Variants in TNRC6B observed in about 807,000 individuals in gnomAD.
TNRC6B encodes the protein trinucleotide repeat-containing gene 6B protein.
TNRC6B carries 52 observed loss-of-function variants against 203.6 expected under a neutral mutation model. The observed-to-expected ratio is 0.26, with a 90% confidence interval of 0.20 to 0.32. The LOEUF is 0.32. TNRC6B is among the 10% of genes least tolerant of loss of function. The probability of loss-of-function intolerance (pLI) is 1.00; values close to 1 mark genes in which losing one functional copy is unlikely to be tolerated. For missense variants in TNRC6B, 1,923 were observed against 2,286.2 expected (o/e 0.84, Z 3.24); for synonymous variants, 838 against 845.7 (o/e 0.99, Z 0.16).
At chr22:40,149,010 A>T (rs1401343540) in intron 3 of TNRC6B, among the ~76,000 whole-genome samples, 2 of 152,200 alleles carry the variant, frequency 1.3e-5, no homozygotes, top group Non-Finnish European at 2.9e-5. Context: ...GAAATACTTC[A>T]TTACAGCAGC....
chr22:40,261,966 G>T lies in TNRC6B; in HGVS notation c.250G>T (p.Ala84Ser). The stretch of plus-strand genomic sequence containing the variant: ...GCCGAACGGACAACCGCCAAGCGCC[G>T]CCCGCTACATGCCTCGGGAGGTGCC... ...AVPNGQPPSA[A>S]RYMPREVPPR... The change falls in exon 4 of 23, where the codon GCC becomes TCC. Residue 84 changes from alanine (A) to serine (S), a missense_variant. By Grantham distance (99) the Ala-to-Ser change is moderately conservative (BLOSUM62 1). Coordinates refer to ENST00000454349, the MANE Select transcript of TNRC6B (RefSeq NM_001162501.2). 1.2e-6 allele frequency: 2 copies of T among 1,612,492 alleles called. No homozygotes were observed. The highest frequency in any genetic ancestry group is 1.7e-6 in the Non-Finnish European group (2 of 1,179,044).
At chr22:40,149,679 C>CAAAAAAAAA (rs58482182) in intron 3 of TNRC6B, among the ~76,000 whole-genome samples, 1 of 84,842 alleles carries the variant, frequency 1.2e-5, no homozygotes. Flanking sequence ...CCTCCCCCGC[C>CAAAAAAAAA]AAAAAAAAAA....
intron 3 of TNRC6B, among the ~76,000 whole-genome samples, chr22:40,133,432 C>G (rs1325472301): frequency 6.6e-6 from 1 of 152,092 alleles, no homozygotes; most frequent in Non-Finnish European, 1.5e-5. Flanking sequence ...GACATGGTCT[C>G]TGCATTTCGG....
intron 2 of TNRC6B, chr22:40,125,721 A>G: frequency 5.6e-6 from 8 of 1,430,786 alleles, no homozygotes; most frequent in Non-Finnish European, 7.5e-6. Flanking sequence ...TGAAAAAAAA[A>G]TTTTTTTGCC....
At chr22:40,045,199 C>T (rs1267200108) in intron 1 of TNRC6B, among the ~76,000 whole-genome samples, 1 of 144,598 alleles carries the variant, frequency 6.9e-6, no homozygotes, top group African/African-American at 2.5e-5. Context: ...GGCGTGAGCG[C>T]GCGCGGGGCT....
chr22:40,329,130 G>T lies in TNRC6B; in HGVS notation c.*5889G>T, dbSNP rs964655336. 3 of 152,208 alleles carry T rather than the reference G, an allele frequency of 2.0e-5. No homozygotes were observed. The highest frequency in any genetic ancestry group is 7.2e-5 in the African/African-American group (3 of 41,432). 9.4% of individuals were successfully genotyped at this position (152,208 alleles called of 1,614,324 possible). ...TGATGATGCGGATGAAAATATTCTGGTCTGTGTGTATACAATGAATTGTCA... is the reference window on the plus strand; with the variant it reads ...TGATGATGCGGATGAAAATATTCTGTTCTGTGTGTATACAATGAATTGTCA... On this transcript the variant is annotated 3_prime_UTR_variant, in exon 23 of 23. Coordinates refer to ENST00000454349, the MANE Select transcript of TNRC6B (RefSeq NM_001162501.2).
At chr22:40,116,783 T>C (rs2068391483) in intron 1 of TNRC6B, among the ~76,000 whole-genome samples, 1 of 152,216 alleles carries the variant, frequency 6.6e-6, no homozygotes, top group African/African-American at 2.4e-5. Flanking sequence ...TAATAACCAC[T>C]TGCCTTTATT....
At chr22:40,204,467 A>G (rs993622697) in intron 1 of TNRC6B, among the ~76,000 whole-genome samples, 18 of 152,184 alleles carry the variant, frequency 1.2e-4, no homozygotes, top group African/African-American at 3.9e-4. Context: ...GACAGTGTAC[A>G]TTTTCCTGGC....
intron 1 of TNRC6B, among the ~76,000 whole-genome samples, chr22:40,061,521 C>T (rs2067852369): frequency 6.6e-6 from 1 of 151,924 alleles, no homozygotes; most frequent in South Asian, 2.1e-4. Flanking sequence ...CTGTGCCTGG[C>T]CTGGATTTAA....
At chr22:40,109,097 T>A (rs1015792249) in intron 1 of TNRC6B, among the ~76,000 whole-genome samples, 3 of 152,338 alleles carry the variant, frequency 2.0e-5, no homozygotes, top group Admixed American at 6.5e-5. Flanking sequence ...TCCGTGTTCC[T>A]GCGAAGCACA....
chr22:40,204,568 G>A (rs112387455), intron 1 of TNRC6B, among the ~76,000 whole-genome samples: 3 of 152,320 alleles, frequency 2.0e-5, no homozygotes, highest in Admixed American at 6.5e-5. Context: ...TGTTGCAAAA[G>A]CAGTTGTGGA....
intron 4 of TNRC6B, among the ~76,000 whole-genome samples, chr22:40,171,764 A>G (rs557494676): frequency 1.3e-3 from 202 of 152,128 alleles, no homozygotes; most frequent in African/African-American, 4.2e-3. Context: ...AGCTCTTCCT[A>G]CCTCTTGAGA....
At chr22:40,057,649 G>A (rs1386956869) in intron 1 of TNRC6B, among the ~76,000 whole-genome samples, 1 of 152,124 alleles carries the variant, frequency 6.6e-6, no homozygotes, top group Non-Finnish European at 1.5e-5. Flanking sequence ...CATATCTCGA[G>A]CCTCAAAAAC....
At chr22:40,045,259 G>T (rs1409886176) in intron 1 of TNRC6B, among the ~76,000 whole-genome samples, 1 of 145,942 alleles carries the variant, frequency 6.9e-6, no homozygotes, top group Non-Finnish European at 1.5e-5. Context: ...GGGCGCCGCC[G>T]AGATTTGAGT....
chr22:40,075,727 A>G (rs1279637508), intron 1 of TNRC6B, among the ~76,000 whole-genome samples: 1 of 151,862 alleles, frequency 6.6e-6, no homozygotes, highest in Non-Finnish European at 1.5e-5. Context: ...CTTTTTGATT[A>G]CTTTTTTACT....
chr22:40,047,874 C>G (rs978956899), intron 1 of TNRC6B, among the ~76,000 whole-genome samples: 1 of 152,168 alleles, frequency 6.6e-6, no homozygotes, highest in African/African-American at 2.4e-5. Context: ...AGTGGGAACA[C>G]AGAAAACGTT....
chr22:40,193,440 T>TG (rs1296685655), intron 1 of TNRC6B, among the ~76,000 whole-genome samples: 1 of 152,094 alleles, frequency 6.6e-6, no homozygotes, highest in Non-Finnish European at 1.5e-5. Flanking sequence ...AAAAATAGAT[T>TG]GAAAAATGCT....
chr22:40,073,051 C>G (rs2067966533), intron 1 of TNRC6B, among the ~76,000 whole-genome samples: 15 of 151,302 alleles, frequency 9.9e-5, no homozygotes, highest in Admixed American at 9.9e-4. Context: ...GACATTCAGT[C>G]TCAAGTTGTT....
chr22:40,272,412 T>A (rs1192931046), intron 6 of TNRC6B, among the ~76,000 whole-genome samples: 1 of 152,174 alleles, frequency 6.6e-6, no homozygotes, highest in Non-Finnish European at 1.5e-5. Context: ...GTGACAGCTG[T>A]CCTTCAAGGA....
Sources: gnomAD v4.1 joint callset for allele counts (sites outside exome capture counted in the v4.1 genomes callset) on GRCh38, gnomAD v4.1.1 for gene constraint, MANE v1.5 for transcripts, NCBI Gene and HGNC (gene_info 2026-07-23, HGNC 2026-07-21) for gene names.